The following BMP5 variants were observed in gnomAD, a reference collection of about 807,000 sequenced individuals.
The protein encoded by BMP5 is bone morphogenetic protein 5.
A neutral mutation model predicts 46.6 loss-of-function variants in BMP5; 23 were observed. The ratio of observed to expected loss-of-function variants is 0.49; its 90% CI spans 0.35 to 0.70. BMP5 has a LOEUF of 0.70. BMP5 is among the 30% of genes least tolerant of loss of function. The pLI, the probability that BMP5 is intolerant of heterozygous loss-of-function variation, is 0.00. For missense variants in BMP5, 545 were observed against 565.6 expected (o/e 0.96, Z 0.37); for synonymous variants, 204 against 191.9 (o/e 1.06, Z -0.52).
chr6:55,760,625 G>T, intron 4 of BMP5, 92 bp from the exon 5 acceptor site: 2 of 1,125,338 alleles, frequency 1.8e-6, no homozygotes, highest in South Asian at 2.7e-5. Flanking sequence ...TTTTAAAGGG[G>T]TTTTATTTGA....
At chr6:55,870,875 G>A (rs780140443) in intron 1 of BMP5, among the ~76,000 whole-genome samples, 1 of 151,874 alleles carries the variant, frequency 6.6e-6, no homozygotes, top group African/African-American at 2.4e-5. Context: ...TTTGTGCTTG[G>A]AATTAAAACG....
intron 1 of BMP5, among the ~76,000 whole-genome samples, chr6:55,864,412 T>C (rs563814935): frequency 1.3e-5 from 2 of 152,230 alleles, no homozygotes; most frequent in East Asian, 3.9e-4. Flanking sequence ...AATGGATTAG[T>C]TCCCTTGAGA....
intron 3 of BMP5, among the ~76,000 whole-genome samples, chr6:55,776,451 G>GAA (rs145624046): frequency 1.1e-4 from 16 of 142,314 alleles, no homozygotes; most frequent in Middle Eastern, 3.6e-3. Flanking sequence ...CTTAGCAAAA[G>GAA]AAAAAAAAAA....
chr6:55,777,330 A>C (rs1775200842), intron 3 of BMP5, among the ~76,000 whole-genome samples: 1 of 151,986 alleles, frequency 6.6e-6, no homozygotes, highest in South Asian at 2.1e-4. Context: ...ATTATTAAAC[A>C]TACAGTATGT....
chr6:55,870,617 G>A (rs2127556512), intron 1 of BMP5, among the ~76,000 whole-genome samples: 1 of 152,080 alleles, frequency 6.6e-6, no homozygotes, highest in South Asian at 2.1e-4. Context: ...GCATCTTTAG[G>A]TAGATTTGTA....
At chr6:55,865,653 A>G (rs1390969032) in intron 1 of BMP5, among the ~76,000 whole-genome samples, 3 of 152,198 alleles carry the variant, frequency 2.0e-5, no homozygotes, top group African/African-American at 4.8e-5. Context: ...TCAGCAAGGC[A>G]TTTATTTGAC....
chr6:55,783,114 C>T (rs2127524848), intron 3 of BMP5, among the ~76,000 whole-genome samples: 1 of 152,228 alleles, frequency 6.6e-6, no homozygotes, highest in South Asian at 2.1e-4. Flanking sequence ...CAGGATCAGA[C>T]TTTCCTTAGT....
intron 1 of BMP5, among the ~76,000 whole-genome samples, chr6:55,856,806 CATTTA>C (rs1212723052): frequency 6.6e-6 from 1 of 151,826 alleles, no homozygotes; most frequent in Non-Finnish European, 1.5e-5. Context: ...CATTATGTAC[CATTTA>C]ATTTAATATT....
In BMP5 at chr6:55,872,061, T is replaced by A. The variant is rs79103742; in HGVS notation, c.490+2315A>T. ...ATTGCAGCTAATAATGTTATTACAC[T>A]TTCACCTTTTCTGAGTATGCTTATT... is the stretch of plus-strand genomic sequence containing the variant. On this transcript the variant is annotated intron_variant, in intron 1 of 6. Coordinates refer to ENST00000370830, the MANE Select transcript of BMP5 (RefSeq NM_021073.4). 4.1e-3 allele frequency among the ~76,000 whole-genome samples: 621 copies of A among 151,938 alleles called. 6 individuals are homozygous for A. The highest frequency in any genetic ancestry group is 0.014 in the African/African-American group (576 of 41,558).
intron 1 of BMP5, among the ~76,000 whole-genome samples, chr6:55,838,722 T>G (rs1776883040): frequency 6.6e-6 from 1 of 152,208 alleles, no homozygotes; most frequent in Non-Finnish European, 1.5e-5. Flanking sequence ...TAAAAAATCC[T>G]TATCATTTAA....
chr6:55,780,717 G>C (rs1775296450), intron 3 of BMP5, among the ~76,000 whole-genome samples: 1 of 152,000 alleles, frequency 6.6e-6, no homozygotes, highest in Non-Finnish European at 1.5e-5. Context: ...AGAAACATTG[G>C]CAGGATAACT....
chr6:55,803,694 T>G lies in BMP5; in HGVS notation c.684-9267A>C, dbSNP rs9475411. On this transcript the variant is annotated intron_variant, in intron 2 of 6. Transcript: ENST00000370830. ...TCTCCAAATTCTGGCCCACAATTCC[T>G]TCTGCAAGATCACCTCCTTCAGCTT... is the stretch of plus-strand genomic sequence containing the variant. Among the ~76,000 whole-genome samples the G allele has an allele frequency of 3.6e-3, 546 of 152,330 alleles. 6 individuals are homozygous for G. The highest frequency in any genetic ancestry group is 0.012 in the African/African-American group (515 of 41,574).
chr6:55,794,132 A>C, intron 3 of BMP5, 147 bp downstream of exon 3: 1 of 795,700 alleles, frequency 1.3e-6, no homozygotes, highest in South Asian at 1.8e-5. Flanking sequence ...TGATTAACTA[A>C]CTAATATAGT....
intron 3 of BMP5, among the ~76,000 whole-genome samples, chr6:55,792,521 GC>G (rs1403499094): frequency 1.1e-4 from 13 of 122,348 alleles, no homozygotes; most frequent in African/African-American, 4.2e-4. Flanking sequence ...GCAACAAACA[GC>G]AAGACTCCGT....
intron 4 of BMP5, among the ~76,000 whole-genome samples, chr6:55,766,561 T>C (rs189795432): frequency 5.3e-5 from 8 of 152,222 alleles, no homozygotes; most frequent in Non-Finnish European, 1.2e-4. Context: ...GCTTGGAGTA[T>C]TATACTAGAC....
In BMP5 at chr6:55,874,959, A is replaced by T; in HGVS notation, c.-94T>A. On this transcript the variant is annotated 5_prime_UTR_variant, in exon 1 of 7. Transcript: ENST00000370830. Reference sequence around the variant, plus strand: ...GTTCTAGGAGGTACAGTTTCCCAGTAGCTGAAAAAACAAATTTACCTATTT... The same window carrying T: ...GTTCTAGGAGGTACAGTTTCCCAGTTGCTGAAAAAACAAATTTACCTATTT... 1 of 1,469,968 alleles carries T rather than the reference A, an allele frequency of 6.8e-7. No homozygotes were observed. 91.1% of individuals were successfully genotyped at this position (1,469,968 alleles called of 1,614,324 possible).
chr6:55,865,488 C>T (rs1047716627), intron 1 of BMP5: 91 of 466,856 alleles, frequency 1.9e-4, no homozygotes, highest in Non-Finnish European at 3.2e-4. Context: ...CACCACAGTC[C>T]GTCTCATGAA....
rs111859904 is a variant in BMP5 at position 55,832,955 on chromosome 6, T to TA, written c.491-13109dup. 5.5e-3 allele frequency among the ~76,000 whole-genome samples: 818 copies of TA among 147,964 alleles called. 9 individuals carry two copies. The highest frequency in any genetic ancestry group is 0.019 in the African/African-American group (753 of 40,480). On this transcript the variant is annotated intron_variant, in intron 1 of 6. Coordinates refer to ENST00000370830, the MANE Select transcript of BMP5 (RefSeq NM_021073.4). ...GCAAGACCCTGTCTCTACAAAAATT[T>TA]AAAAAAAAAAATTATTGGGGAATGG... is the stretch of plus-strand genomic sequence containing the variant.
At chr6:55,872,041 A>T (rs1486839885) in intron 1 of BMP5, among the ~76,000 whole-genome samples, 1 of 151,838 alleles carries the variant, frequency 6.6e-6, no homozygotes, top group Non-Finnish European at 1.5e-5. Context: ...CTCTTATTGC[A>T]GCTAATAATG....
Sources: allele counts gnomAD v4.1 joint callset (sites outside exome capture counted in the v4.1 genomes callset), GRCh38; gene constraint gnomAD v4.1.1; transcripts MANE v1.5; gene names NCBI Gene and HGNC (gene_info 2026-07-23, HGNC 2026-07-21).